Variants in LARGE1 observed in about 807,000 individuals in gnomAD.
The protein encoded by LARGE1 is LARGE xylosyl- and glucuronyltransferase 1, also known as xylosyl- and glucuronyltransferase LARGE1.
In LARGE1, 43 loss-of-function variants were observed where a neutral mutation model predicts 87.6. The ratio of observed to expected loss-of-function variants is 0.49; its 90% CI spans 0.38 to 0.63. LARGE1 has a LOEUF of 0.63. Ranked by LOEUF, LARGE1 falls within the 30% of genes least tolerant of loss-of-function variation. The probability of loss-of-function intolerance (pLI) is 0.00; values close to 1 mark genes in which losing one functional copy is unlikely to be tolerated. For missense variants in LARGE1, 802 were observed against 1,000.2 expected, an observed-to-expected ratio of 0.80 and a Z score of 2.67; for synonymous variants, 434 against 394.6, an observed-to-expected ratio of 1.10 and a Z score of -1.18.
intron 9 of LARGE1, among the ~76,000 whole-genome samples, chr22:33,370,920 T>A (rs1414746480): frequency 6.7e-6 from 1 of 149,852 alleles, no homozygotes; most frequent in African/African-American, 2.4e-5. Context: ...AGTATTCATA[T>A]AACATAACAT....
At chr22:33,889,663 A>G (rs903514644) in intron 1 of LARGE1, among the ~76,000 whole-genome samples, 2 of 152,170 alleles carry the variant, frequency 1.3e-5, no homozygotes, top group African/African-American at 4.8e-5. Context: ...GCTCATGGAC[A>G]GGAAACAAAG....
intron 13 of LARGE1, among the ~76,000 whole-genome samples, chr22:33,278,217 C>G (rs1380668548): frequency 2.0e-5 from 3 of 152,168 alleles, no homozygotes; most frequent in African/African-American, 7.2e-5. Flanking sequence ...AGAGCAGTCC[C>G]TGGCCAAAAG....
intron 9 of LARGE1, among the ~76,000 whole-genome samples, chr22:33,342,533 C>A (rs1939272033): frequency 6.6e-6 from 1 of 152,168 alleles, no homozygotes; most frequent in South Asian, 2.1e-4. Flanking sequence ...ACCTGAGGTT[C>A]TTAACTACTA....
chr22:33,644,902 TAA>T (rs1448367908), intron 3 of LARGE1, among the ~76,000 whole-genome samples: 2 of 151,948 alleles, frequency 1.3e-5, no homozygotes, highest in African/African-American at 2.4e-5. Flanking sequence ...CTCAAGGAAA[TAA>T]GAGAGGACCC....
chr22:33,435,193 G>C (rs1395312505), intron 6 of LARGE1, among the ~76,000 whole-genome samples: 1 of 152,076 alleles, frequency 6.6e-6, no homozygotes, highest in Non-Finnish European at 1.5e-5. Flanking sequence ...GCAGAGACAG[G>C]GTTTCGCCAT....
At chr22:33,303,376 G>A (rs985720509) in intron 12 of LARGE1, among the ~76,000 whole-genome samples, 34 of 152,094 alleles carry the variant, frequency 2.2e-4, no homozygotes, top group African/African-American at 7.2e-4. Flanking sequence ...TCCTGGTCTC[G>A]GTCCCACAGT....
At chr22:33,578,816 T>C (rs2078427924) in intron 5 of LARGE1, among the ~76,000 whole-genome samples, 1 of 152,142 alleles carries the variant, frequency 6.6e-6, no homozygotes, top group Non-Finnish European at 1.5e-5. Flanking sequence ...TTAATTGTAC[T>C]CAGAAATGGG....
At chr22:33,503,406 G>A (rs1003090467) in intron 6 of LARGE1, among the ~76,000 whole-genome samples, 5 of 150,916 alleles carry the variant, frequency 3.3e-5, no homozygotes, top group Admixed American at 6.6e-5. Flanking sequence ...ACAGGCACCC[G>A]AGGAGTTCCT....
At chr22:33,114,530 C>G in the LARGE1 span, among the ~76,000 whole-genome samples, 1 of 152,180 alleles carries the variant, frequency 6.6e-6, no homozygotes, top group Non-Finnish European at 1.5e-5. Flanking sequence ...CTATTTGCTA[C>G]TTCTTCACAC....
intron 6 of LARGE1, among the ~76,000 whole-genome samples, chr22:33,554,611 G>A (rs1023400975): frequency 4.6e-5 from 7 of 151,962 alleles, no homozygotes; most frequent in Admixed American, 2.0e-4. Flanking sequence ...ATCCCGCTAC[G>A]GGCCACAGTG....
chr22:33,090,432 A>C, the LARGE1 span, among the ~76,000 whole-genome samples: 946 of 152,280 alleles, frequency 6.2e-3, 14 homozygotes, highest in African/African-American at 0.022. Flanking sequence ...GGAGGGTCTT[A>C]CTGAGAATAG....
intron 5 of LARGE1, among the ~76,000 whole-genome samples, chr22:33,587,925 T>C (rs1314985902): frequency 6.6e-6 from 1 of 152,230 alleles, no homozygotes; most frequent in African/African-American, 2.4e-5. Context: ...ATCACATTAA[T>C]GCCTTTTGTT....
intron 11 of LARGE1, among the ~76,000 whole-genome samples, chr22:33,250,005 G>A (rs961963170): frequency 2.0e-5 from 3 of 152,080 alleles, no homozygotes; most frequent in African/African-American, 7.2e-5. Context: ...TCAATATCGT[G>A]TTGGCTATTC....
At chr22:33,776,453 T>C (rs775919482) in intron 1 of LARGE1, among the ~76,000 whole-genome samples, 19 of 152,204 alleles carry the variant, frequency 1.2e-4, no homozygotes, top group Admixed American at 5.2e-4. Context: ...TTATCTTTCC[T>C]GAGGATATAC....
chr22:33,917,098 A>G (rs971982528), intron 1 of LARGE1, among the ~76,000 whole-genome samples: 13 of 152,250 alleles, frequency 8.5e-5, no homozygotes, highest in African/African-American at 3.1e-4. Context: ...GTAATAACTC[A>G]GGTGGGTTCA....
At chr22:33,797,055 T>G (rs1394182577) in intron 1 of LARGE1, among the ~76,000 whole-genome samples, 5 of 152,122 alleles carry the variant, frequency 3.3e-5, no homozygotes, top group Admixed American at 3.3e-4. Flanking sequence ...TGAGCCACCA[T>G]GCCTGGCCAG....
At chr22:33,214,629 A>G (rs762855491) in intron 11 of LARGE1, among the ~76,000 whole-genome samples, 2 of 151,814 alleles carry the variant, frequency 1.3e-5, no homozygotes, top group African/African-American at 4.8e-5. Flanking sequence ...ACACTCTTCT[A>G]TCTGCTCTGC....
intron 9 of LARGE1, among the ~76,000 whole-genome samples, chr22:33,349,251 T>C (rs1235161274): frequency 6.6e-6 from 1 of 152,214 alleles, no homozygotes; most frequent in Non-Finnish European, 1.5e-5. Context: ...ATGGTGGGCC[T>C]TCTCTGCCTC....
intron 11 of LARGE1, among the ~76,000 whole-genome samples, chr22:33,306,527 T>G (rs949155832): frequency 1.3e-5 from 2 of 152,190 alleles, no homozygotes; most frequent in South Asian, 2.1e-4. Context: ...ACCCCTCCCC[T>G]GCCCCGTGAC....
Sources: gnomAD v4.1 joint callset for allele counts (sites outside exome capture counted in the v4.1 genomes callset) on GRCh38, gnomAD v4.1.1 for gene constraint, MANE v1.5 for transcripts, NCBI Gene and HGNC (gene_info 2026-07-23, HGNC 2026-07-21) for gene names.